Variants in VPS54 observed in about 807,000 individuals in gnomAD.
VPS54 encodes the protein vacuolar protein sorting-associated protein 54.
Under a neutral mutation model 121.5 loss-of-function variants are expected in VPS54, and 45 were observed. The observed-to-expected ratio is 0.37, with a 90% CI of 0.29 to 0.47. The LOEUF is 0.47. Ranked by LOEUF, VPS54 falls within the 20% of genes least tolerant of loss-of-function variation. The probability of loss-of-function intolerance (pLI) is 0.99; values close to 1 mark genes in which losing one functional copy is unlikely to be tolerated. For synonymous variants in VPS54, 371 were observed against 385.8 expected (o/e 0.96, Z 0.45); for missense variants, 1,090 against 1,131.4 (o/e 0.96, Z 0.52).
intron 2 of VPS54, among the ~76,000 whole-genome samples, chr2:63,982,351 G>T (rs1428686833): frequency 6.6e-6 from 1 of 152,058 alleles, no homozygotes; most frequent in African/African-American, 2.4e-5. Flanking sequence ...TGACATAAAT[G>T]TTGCTGTGGC....
chr2:63,917,856 A>G (rs555303401), intron 15 of VPS54, among the ~76,000 whole-genome samples: 17 of 152,090 alleles, frequency 1.1e-4, no homozygotes, highest in African/African-American at 4.1e-4. Flanking sequence ...ACCTTAGACA[A>G]GTTGCTTAAC....
intron 1 of VPS54, among the ~76,000 whole-genome samples, chr2:63,986,081 C>G (rs1677037342): frequency 1.3e-5 from 2 of 152,158 alleles, no homozygotes; most frequent in South Asian, 4.1e-4. Flanking sequence ...GAAACTTTTT[C>G]AATTTTTGTG....
chr2:64,013,641 T>C (rs987952897), intron 1 of VPS54, among the ~76,000 whole-genome samples: 1 of 145,928 alleles, frequency 6.9e-6, no homozygotes, highest in Non-Finnish European at 1.5e-5. Context: ...TAAATATATA[T>C]CAATATATAG....
chr2:64,006,203 G>A (rs958773979), intron 1 of VPS54, among the ~76,000 whole-genome samples: 21 of 152,132 alleles, frequency 1.4e-4, no homozygotes, highest in Non-Finnish European at 2.1e-4. Flanking sequence ...TTCAATGAAC[G>A]AATGAGCAAA....
At chr2:63,942,223 A>G (rs890724008) in intron 11 of VPS54, among the ~76,000 whole-genome samples, 2 of 152,058 alleles carry the variant, frequency 1.3e-5, no homozygotes, top group Non-Finnish European at 2.9e-5. Context: ...TTACTGTATA[A>G]TATTTAATGT....
intron 7 of VPS54, 151 bp from the exon 8 acceptor site, chr2:63,949,314 C>A: frequency 2.8e-6 from 2 of 722,154 alleles, no homozygotes; most frequent in Non-Finnish European, 4.3e-6. Flanking sequence ...TTTAACTTAC[C>A]AAAATAACTG....
At chr2:63,915,928 T>C (rs779419731) in intron 16 of VPS54, among the ~76,000 whole-genome samples, 5 of 152,154 alleles carry the variant, frequency 3.3e-5, no homozygotes, top group Non-Finnish European at 5.9e-5. Flanking sequence ...GACATATACA[T>C]AAATAAACAA....
At chr2:63,952,282 T>C (rs1675288762) in intron 7 of VPS54, among the ~76,000 whole-genome samples, 1 of 152,160 alleles carries the variant, frequency 6.6e-6, no homozygotes, top group Non-Finnish European at 1.5e-5. Context: ...TAAAGAAGCC[T>C]AGATAACCTA....
rs145252845 is a variant in VPS54 at position 63,929,641 on chromosome 2, C to G, written c.1739+4032G>C. ...AAGAGCAAACACATTCAAAAGCTAG[C>G]AGAAGGCAAGAAATAACTAAGATCA... On this transcript the variant is annotated intron_variant, in intron 12 of 22. Transcript: ENST00000272322. Among the ~76,000 whole-genome samples the G allele has an allele frequency of 8.1e-3, 1,214 of 149,822 alleles. 7 individuals carry two copies. Among genetic ancestry groups the G allele is most frequent in the South Asian group, 0.02 (93 of 4,758 alleles).
intron 3 of VPS54, among the ~76,000 whole-genome samples, chr2:63,973,994 C>T (rs973998816): frequency 6.6e-6 from 1 of 152,150 alleles, no homozygotes; most frequent in East Asian, 1.9e-4. Flanking sequence ...ATGGATTGTG[C>T]TTTTCTTTCA....
chr2:63,912,236 T>G (rs567409936), intron 20 of VPS54, 109 bp downstream of exon 20: 1 of 1,066,468 alleles, frequency 9.4e-7, no homozygotes, highest in Non-Finnish European at 1.3e-6. Flanking sequence ...GTAAATATCC[T>G]ATGAAAGTTT....
chr2:63,917,884 T>C (rs990829087), intron 15 of VPS54, among the ~76,000 whole-genome samples: 4 of 151,984 alleles, frequency 2.6e-5, no homozygotes, highest in Non-Finnish European at 5.9e-5. Context: ...TGCCTTAGTT[T>C]CTAAATTTGT....
At chr2:63,989,496 G>A (rs1452597213) in intron 1 of VPS54, among the ~76,000 whole-genome samples, 6 of 152,138 alleles carry the variant, frequency 3.9e-5, no homozygotes, top group Non-Finnish European at 8.8e-5. Context: ...GACACTTAGG[G>A]AAAATAGAAA....
intron 12 of VPS54, among the ~76,000 whole-genome samples, chr2:63,928,642 C>G (rs572084207): frequency 3.9e-5 from 6 of 152,180 alleles, no homozygotes; most frequent in African/African-American, 1.4e-4. Context: ...ATGACAGGAT[C>G]AAATTCACAC....
chr2:63,988,863 T>A (rs1222069961), intron 1 of VPS54, among the ~76,000 whole-genome samples: 5 of 152,086 alleles, frequency 3.3e-5, no homozygotes, highest in Admixed American at 3.3e-4. Context: ...AACCATTAGG[T>A]CTGACTGCCT....
At chr2:63,996,984 G>A (rs879715215) in intron 1 of VPS54, among the ~76,000 whole-genome samples, 45 of 151,582 alleles carry the variant, frequency 3.0e-4, no homozygotes, top group Non-Finnish European at 5.8e-4. Context: ...TTTATGGCTC[G>A]GGGGCATCAC....
chr2:63,990,861 G>A (rs1677285245), intron 1 of VPS54, among the ~76,000 whole-genome samples: 1 of 152,198 alleles, frequency 6.6e-6, no homozygotes, highest in Admixed American at 6.5e-5. Context: ...AAGGATGCTT[G>A]TACTCAGTAT....
At chr2:63,984,377 T>C (rs1676944327) in intron 1 of VPS54, among the ~76,000 whole-genome samples, 1 of 152,238 alleles carries the variant, frequency 6.6e-6, no homozygotes, top group East Asian at 1.9e-4. Context: ...GTATCCCTGC[T>C]TAGGTCCATC....
At chr2:64,001,776 A>T (rs1677892744) in intron 1 of VPS54, among the ~76,000 whole-genome samples, 1 of 151,708 alleles carries the variant, frequency 6.6e-6, no homozygotes, top group Non-Finnish European at 1.5e-5. Context: ...TCCTCTCCCC[A>T]AGCAGAAGGT....
Sources: allele counts gnomAD v4.1 joint callset (sites outside exome capture counted in the v4.1 genomes callset), GRCh38; gene constraint gnomAD v4.1.1; transcripts MANE v1.5; gene names NCBI Gene and HGNC (gene_info 2026-07-23, HGNC 2026-07-21).